The following JAZF1 variants were observed in gnomAD, a reference collection of about 807,000 sequenced individuals.
JAZF1 encodes the protein juxtaposed with another zinc finger protein 1.
In JAZF1, 8 loss-of-function variants were observed where a neutral mutation model predicts 26.4. The observed-to-expected ratio is 0.30, with a 90% CI of 0.18 to 0.55. JAZF1 has a LOEUF of 0.55. Ranked by LOEUF, JAZF1 falls within the 20% of genes least tolerant of loss-of-function variation. JAZF1 has a pLI of 0.94. For missense variants in JAZF1, 199 were observed against 322.0 expected, an observed-to-expected ratio of 0.62 and a Z score of 2.92; for synonymous variants, 126 against 122.3, an observed-to-expected ratio of 1.03 and a Z score of -0.20.
intron 1 of JAZF1, among the ~76,000 whole-genome samples, chr7:28,066,928 C>T (rs1182633841): frequency 6.6e-6 from 1 of 152,174 alleles, no homozygotes; most frequent in Non-Finnish European, 1.5e-5. Flanking sequence ...ACAGCTTCTG[C>T]TCATCCAGAG....
chr7:28,140,177 G>A (rs1471727680), intron 1 of JAZF1, among the ~76,000 whole-genome samples: 3 of 151,078 alleles, frequency 2.0e-5, no homozygotes, highest in Admixed American at 6.6e-5. Flanking sequence ...TCAGCTCCCC[G>A]GTTCCAGCAA....
intron 1 of JAZF1, among the ~76,000 whole-genome samples, chr7:28,116,752 C>G (rs1784751634): frequency 6.6e-6 from 1 of 151,918 alleles, no homozygotes; most frequent in South Asian, 2.1e-4. Flanking sequence ...CCAGCCAAGA[C>G]AATGTTTTTC....
chr7:28,178,930 C>T (rs532125323), intron 1 of JAZF1, among the ~76,000 whole-genome samples: 5 of 152,308 alleles, frequency 3.3e-5, no homozygotes, highest in African/African-American at 1.2e-4. Context: ...TCTCCTATTC[C>T]GGATGGCCCA....
At chr7:27,889,052 T>C (rs1347777990) in intron 3 of JAZF1, among the ~76,000 whole-genome samples, 3 of 152,136 alleles carry the variant, frequency 2.0e-5, no homozygotes, top group African/African-American at 7.2e-5. Flanking sequence ...AAATTCAAGC[T>C]AGAAGGCACA....
intron 3 of JAZF1, chr7:27,864,075 C>G (rs2128336612): frequency 6.6e-6 from 1 of 152,344 alleles, no homozygotes; most frequent in South Asian, 2.1e-4. Flanking sequence ...GCGCAGGGCC[C>G]TGACTACCGC....
intron 1 of JAZF1, among the ~76,000 whole-genome samples, chr7:28,107,063 G>C (rs1784563854): frequency 6.6e-6 from 1 of 152,178 alleles, no homozygotes. Flanking sequence ...CCTAATTGCA[G>C]CAGAAGCATC....
intron 1 of JAZF1, among the ~76,000 whole-genome samples, chr7:28,010,647 T>C (rs1490943325): frequency 1.3e-5 from 2 of 152,198 alleles, no homozygotes; most frequent in Non-Finnish European, 2.9e-5. Context: ...GAATCTGCCT[T>C]AATAGTCAGG....
chr7:27,919,601 CAT>C (rs575871078), intron 2 of JAZF1, among the ~76,000 whole-genome samples: 2 of 152,210 alleles, frequency 1.3e-5, no homozygotes, highest in Non-Finnish European at 2.9e-5. Flanking sequence ...CAGGAAATAA[CAT>C]ATTTATAATC....
chr7:27,862,162 G>A (rs1318453928), intron 3 of JAZF1, among the ~76,000 whole-genome samples: 1 of 152,208 alleles, frequency 6.6e-6, no homozygotes, highest in African/African-American at 2.4e-5. Flanking sequence ...AGAGGTATCT[G>A]TAGCTCCATT....
intron 1 of JAZF1, among the ~76,000 whole-genome samples, chr7:28,011,482 T>C (rs2128370334): frequency 6.6e-6 from 1 of 152,342 alleles, no homozygotes; most frequent in Non-Finnish European, 1.5e-5. Context: ...AAACGTCAGC[T>C]TCTGTTTTCT....
At chr7:28,076,163 C>T (rs183635411) in intron 1 of JAZF1, among the ~76,000 whole-genome samples, 22 of 152,324 alleles carry the variant, frequency 1.4e-4, no homozygotes, top group Admixed American at 9.8e-4. Context: ...GCTTCCGCTC[C>T]CGGCTCATTA....
intron 2 of JAZF1, among the ~76,000 whole-genome samples, chr7:27,916,846 G>T (rs1380081792): frequency 1.3e-5 from 2 of 152,226 alleles, no homozygotes; most frequent in African/African-American, 4.8e-5. Flanking sequence ...CTCTGTCCAT[G>T]TCGGTGAGTG....
rs184311653 is a variant in JAZF1, at chr7:28,153,141, C to T, written c.115+27322G>A. Among the ~76,000 whole-genome samples the T allele has an allele frequency of 4.5e-4, 69 of 152,220 alleles. No individual in the cohort carries two copies. In the East Asian group the frequency reaches 0.012, roughly 27 times the overall value. On this transcript the variant is annotated intron_variant, in intron 1 of 4. Transcript: ENST00000283928. ...AGCACCTCCACTATGGCCCTATGAG[C>T]AGTGTGGGGCCACTAGTACTCTCCA...
chr7:27,928,857 C>A (rs115602519), intron 2 of JAZF1, among the ~76,000 whole-genome samples: 6 of 152,058 alleles, frequency 3.9e-5, no homozygotes, highest in Non-Finnish European at 8.8e-5. Flanking sequence ...AGTACCTGGA[C>A]GATGAAACAA....
At chr7:28,173,706 G>C (rs1374224216) in intron 1 of JAZF1, among the ~76,000 whole-genome samples, 3 of 151,856 alleles carry the variant, frequency 2.0e-5, no homozygotes, top group Non-Finnish European at 4.4e-5. Flanking sequence ...GGTGAGCTGG[G>C]CAAGGGACAA....
intron 2 of JAZF1, among the ~76,000 whole-genome samples, chr7:27,961,137 C>A (rs528540943): frequency 2.6e-5 from 4 of 152,214 alleles, no homozygotes; most frequent in African/African-American, 9.6e-5. Context: ...GTTTTACAAA[C>A]ATTAACTTAT....
intron 3 of JAZF1, among the ~76,000 whole-genome samples, chr7:27,861,021 C>G (rs73083361): frequency 0.075 from 11,481 of 152,292 alleles, 634 homozygotes; most frequent in Middle Eastern, 0.12. Flanking sequence ...GGGGCCGATG[C>G]CTGTTCCAAG....
intron 2 of JAZF1, among the ~76,000 whole-genome samples, chr7:27,942,132 A>G (rs951572365): frequency 1.3e-5 from 2 of 152,254 alleles, no homozygotes; most frequent in Non-Finnish European, 2.9e-5. Flanking sequence ...GGTGCTGAGC[A>G]TCTGTTTACT....
At chr7:27,948,209 G>A (rs1310490623) in intron 2 of JAZF1, among the ~76,000 whole-genome samples, 2 of 152,032 alleles carry the variant, frequency 1.3e-5, no homozygotes, top group East Asian at 1.9e-4. Flanking sequence ...CTTTACTGTG[G>A]GAGATTTACA....
Sources: allele counts gnomAD v4.1 joint callset (sites outside exome capture counted in the v4.1 genomes callset), GRCh38; gene constraint gnomAD v4.1.1; transcripts MANE v1.5; gene names NCBI Gene and HGNC (gene_info 2026-07-23, HGNC 2026-07-21).